The following PTPRD variants were observed in gnomAD, a reference collection of about 807,000 sequenced individuals.
PTPRD encodes the protein protein tyrosine phosphatase receptor type D.
Under a neutral mutation model 214.5 loss-of-function variants are expected in PTPRD, and 34 were observed. The ratio of observed to expected loss-of-function variants is 0.16; its 90% CI spans 0.12 to 0.21. The LOEUF is 0.21. PTPRD is among the 10% of genes least tolerant of loss of function. The pLI is 1.00. For synonymous variants in PTPRD, 1,128 were observed against 845.7 expected, an observed-to-expected ratio of 1.33 and a Z score of -5.79; for missense variants, 2,545 against 2,398.7, an observed-to-expected ratio of 1.06 and a Z score of -1.27.
At chr9:10,394,796 A>G (rs1587103404) in intron 2 of PTPRD, among the ~76,000 whole-genome samples, 1 of 151,832 alleles carries the variant, frequency 6.6e-6, no homozygotes, top group African/African-American at 2.4e-5. Flanking sequence ...AATAAACGTC[A>G]ATATAAACTT....
chr9:8,768,435 C>A (rs147659712), intron 11 of PTPRD, among the ~76,000 whole-genome samples: 197 of 152,120 alleles, frequency 1.3e-3, no homozygotes, highest in African/African-American at 4.5e-3. Context: ...ACCTGTAGTC[C>A]CAGCTACTCA....
chr9:8,647,200 C>T (rs141869788), intron 12 of PTPRD, among the ~76,000 whole-genome samples: 2 of 152,238 alleles, frequency 1.3e-5, no homozygotes, highest in South Asian at 2.1e-4. Flanking sequence ...ATCATTCCAC[C>T]TCATTGTCAT....
chr9:10,451,350 G>A (rs1043256015), intron 2 of PTPRD, among the ~76,000 whole-genome samples: 9 of 151,842 alleles, frequency 5.9e-5, no homozygotes, highest in African/African-American at 1.9e-4. Context: ...TGGAGTCTGT[G>A]ATTACAAATA....
chr9:9,260,691 A>G (rs569365214), intron 9 of PTPRD, among the ~76,000 whole-genome samples: 2 of 151,900 alleles, frequency 1.3e-5, no homozygotes, highest in Non-Finnish European at 2.9e-5. Context: ...AAGATGATAG[A>G]CAAAGAAATA....
intron 7 of PTPRD, among the ~76,000 whole-genome samples, chr9:9,662,507 G>C (rs1214667929): frequency 2.0e-5 from 3 of 151,636 alleles, no homozygotes; most frequent in Non-Finnish European, 4.4e-5. Flanking sequence ...GCTGAGTTTT[G>C]CTATGGCATT....
rs374424926 is a variant in PTPRD, at chr9:10,304,238, C to T, written c.-545+36725G>A. Among the ~76,000 whole-genome samples, 129 of 152,056 alleles carry T rather than the reference C, an allele frequency of 8.5e-4. 3 individuals carry two copies. In the South Asian group the frequency reaches 0.022, roughly 26 times the overall value. ...GCCCTTCATGCAAAAACTCTCAATA[C>T]GCTAGGTACTGACGGAATGTATCTC... On this transcript the variant is annotated intron_variant, in intron 3 of 45. Transcript: ENST00000381196.
chr9:10,501,922 A>G (rs1396518158), intron 2 of PTPRD, among the ~76,000 whole-genome samples: 4 of 151,946 alleles, frequency 2.6e-5, no homozygotes, highest in African/African-American at 9.7e-5. Flanking sequence ...ATCCCCTGAG[A>G]GATACTGATT....
chr9:8,534,481 C>A (rs531570019), intron 14 of PTPRD, among the ~76,000 whole-genome samples: 6 of 151,918 alleles, frequency 3.9e-5, no homozygotes, highest in African/African-American at 1.4e-4. Context: ...CGGTTTGAGT[C>A]ATTCATATAC....
intron 11 of PTPRD, among the ~76,000 whole-genome samples, chr9:9,014,666 A>T (rs1011436640): frequency 1.4e-4 from 21 of 152,272 alleles, no homozygotes; most frequent in African/African-American, 5.1e-4. Context: ...GTATATTTAC[A>T]TGGGAGACAA....
intron 11 of PTPRD, among the ~76,000 whole-genome samples, chr9:8,880,090 A>G (rs886978413): frequency 1.3e-5 from 2 of 152,216 alleles, no homozygotes; most frequent in South Asian, 4.1e-4. Flanking sequence ...CTTTCAAATA[A>G]CAGCTCAGGG....
chr9:10,401,147 T>C (rs575878423), intron 2 of PTPRD, among the ~76,000 whole-genome samples: 1 of 151,852 alleles, frequency 6.6e-6, no homozygotes, highest in African/African-American at 2.4e-5. Flanking sequence ...AGTTAGAAAC[T>C]TAAAGTTTCT....
chr9:9,881,943 C>T (rs1477909812), intron 5 of PTPRD, among the ~76,000 whole-genome samples: 1 of 152,074 alleles, frequency 6.6e-6, no homozygotes, highest in Non-Finnish European at 1.5e-5. Context: ...GTCACCCAGG[C>T]AACACCCTGG....
In PTPRD at chr9:8,352,442, C is replaced by A. The variant is rs1302053462; in HGVS notation, c.4662-10464G>T. Among the ~76,000 whole-genome samples, 8 of 152,284 alleles carry A rather than the reference C, an allele frequency of 5.3e-5. No homozygotes were observed. In the East Asian group the frequency reaches 1.4e-3, roughly 26 times the overall value. ...TCCTTGTAAACCATACCAGCTCACTCCGTATTCTAAATTCTGTTTAGAGTG... is the reference window on the plus strand; with the variant it reads ...TCCTTGTAAACCATACCAGCTCACTACGTATTCTAAATTCTGTTTAGAGTG... On this transcript the variant is annotated intron_variant, in intron 39 of 45. Coordinates refer to ENST00000381196, the MANE Select transcript of PTPRD (RefSeq NM_002839.4).
intron 3 of PTPRD, among the ~76,000 whole-genome samples, chr9:10,219,347 C>A (rs1004670401): frequency 6.6e-6 from 1 of 151,886 alleles, no homozygotes; most frequent in African/African-American, 2.4e-5. Flanking sequence ...TACTGCTCCA[C>A]ACCTGCTCTT....
chr9:9,061,200 T>C (rs938278518), intron 10 of PTPRD, among the ~76,000 whole-genome samples: 3 of 152,194 alleles, frequency 2.0e-5, no homozygotes, highest in African/African-American at 7.2e-5. Flanking sequence ...AAAATTCCTT[T>C]GGTTGTAAAT....
intron 5 of PTPRD, among the ~76,000 whole-genome samples, chr9:9,934,783 T>C (rs2088490338): frequency 6.6e-6 from 1 of 151,858 alleles, no homozygotes; most frequent in African/African-American, 2.4e-5. Flanking sequence ...AAAAAGAGAA[T>C]TTTAGACCAA....
chr9:8,496,090 T>C (rs1017088279), intron 26 of PTPRD, among the ~76,000 whole-genome samples: 1 of 151,930 alleles, frequency 6.6e-6, no homozygotes, highest in Non-Finnish European at 1.5e-5. Flanking sequence ...CACGTGACTA[T>C]ACCACATGCT....
At chr9:8,679,877 A>G (rs1003375796) in intron 12 of PTPRD, among the ~76,000 whole-genome samples, 3 of 152,214 alleles carry the variant, frequency 2.0e-5, no homozygotes, top group Non-Finnish European at 4.4e-5. Context: ...AATTTAACAA[A>G]AATTTCTCAA....
intron 11 of PTPRD, among the ~76,000 whole-genome samples, chr9:8,735,472 G>A (rs993793410): frequency 5.9e-5 from 9 of 152,080 alleles, no homozygotes; most frequent in African/African-American, 1.7e-4. Context: ...ACAGGACTGG[G>A]TCACATATTT....
Sources: allele counts gnomAD v4.1 joint callset (sites outside exome capture counted in the v4.1 genomes callset), GRCh38; gene constraint gnomAD v4.1.1; transcripts MANE v1.5; gene names NCBI Gene and HGNC (gene_info 2026-07-23, HGNC 2026-07-21).